Variants in DAB1 observed in about 807,000 individuals in gnomAD.
DAB1 encodes the protein DAB adaptor protein 1.
In DAB1, 15 loss-of-function variants were observed where a neutral mutation model predicts 64.6. The ratio of observed to expected loss-of-function variants is 0.23; its 90% CI spans 0.16 to 0.36. The LOEUF (loss-of-function observed/expected upper bound fraction) is 0.36. Among genes scored for constraint, DAB1 ranks in the 10% least tolerant of loss-of-function variants. The probability of loss-of-function intolerance (pLI) is 1.00; values close to 1 mark genes in which losing one functional copy is unlikely to be tolerated. For synonymous variants in DAB1, 235 were observed against 251.9 expected, an observed-to-expected ratio of 0.93 and a Z score of 0.64; for missense variants, 596 against 706.7, an observed-to-expected ratio of 0.84 and a Z score of 1.78.
chr1:58,018,533 C>G (rs1307512442), intron 5 of DAB1, among the ~76,000 whole-genome samples: 1 of 152,204 alleles, frequency 6.6e-6, no homozygotes, highest in African/African-American at 2.4e-5. Flanking sequence ...AAACCACTGA[C>G]CTCTGGAGCC....
upstream of DAB1, among the ~76,000 whole-genome samples, chr1:57,887,099 AT>A (rs1247914617): frequency 4.6e-5 from 7 of 152,120 alleles, no homozygotes. Context: ...CTACTGCCAA[AT>A]TGAAGAACTC....
At chr1:58,541,293 C>CAAA (rs71043292) in intron 1 of DAB1, among the ~76,000 whole-genome samples, 1 of 27,572 alleles carries the variant, frequency 3.6e-5, no homozygotes, top group African/African-American at 1.1e-4. Context: ...GACTCTGTCT[C>CAAA]AAAAAAAAAA....
At chr1:57,105,615 TC>T (rs1655074350) in intron 4 of DAB1, among the ~76,000 whole-genome samples, 1 of 152,192 alleles carries the variant, frequency 6.6e-6, no homozygotes, top group Non-Finnish European at 1.5e-5. Context: ...CCCACTTTTT[TC>T]CCTTCTTCTC....
chr1:57,258,289 G>T (rs1292752625), intron 2 of DAB1, among the ~76,000 whole-genome samples: 1 of 152,114 alleles, frequency 6.6e-6, no homozygotes, highest in African/African-American at 2.4e-5. Context: ...CTCACCAAAG[G>T]TCACACAGTA....
intron 4 of DAB1, among the ~76,000 whole-genome samples, chr1:57,121,419 T>C (rs1656652293): frequency 6.6e-6 from 1 of 151,916 alleles, no homozygotes. Context: ...GCACAGGGCA[T>C]CAGGGAAGTG....
intron 9 of DAB1, among the ~76,000 whole-genome samples, chr1:57,057,935 G>A (rs1650001425): frequency 6.6e-6 from 1 of 152,106 alleles, no homozygotes; most frequent in Non-Finnish European, 1.5e-5. Context: ...ATCAGATTGT[G>A]TCCCTAATAT....
intron 7 of DAB1, among the ~76,000 whole-genome samples, chr1:57,507,015 T>C (rs1644351670): frequency 6.6e-6 from 1 of 152,204 alleles, no homozygotes; most frequent in African/African-American, 2.4e-5. Flanking sequence ...CCCTCTCATC[T>C]ACAATCTGTC....
intron 1 of DAB1, among the ~76,000 whole-genome samples, chr1:57,345,448 G>A (rs753124607): frequency 4.6e-5 from 7 of 152,208 alleles, no homozygotes; most frequent in Non-Finnish European, 1.0e-4. Flanking sequence ...GAGTAAAGGT[G>A]ATGAGGAATA....
At chr1:57,973,682 T>C (rs1645851526) in intron 5 of DAB1, among the ~76,000 whole-genome samples, 2 of 151,962 alleles carry the variant, frequency 1.3e-5, no homozygotes, top group Non-Finnish European at 2.9e-5. Context: ...GAATAAAGAG[T>C]CCTTTAACAA....
At chr1:58,341,117 C>T (rs958795806) in intron 4 of DAB1, among the ~76,000 whole-genome samples, 2 of 152,024 alleles carry the variant, frequency 1.3e-5, no homozygotes, top group African/African-American at 4.8e-5. Context: ...AAACAATGTG[C>T]ATTAATTTGA....
chr1:57,584,067 T>C (rs1645349131), intron 7 of DAB1, among the ~76,000 whole-genome samples: 1 of 152,084 alleles, frequency 6.6e-6, no homozygotes, highest in African/African-American at 2.4e-5. Flanking sequence ...AACTTAGGAG[T>C]ATGCGCCTGT....
chr1:57,543,718 T>C (rs1644827411), intron 7 of DAB1, among the ~76,000 whole-genome samples: 1 of 152,128 alleles, frequency 6.6e-6, no homozygotes, highest in Non-Finnish European at 1.5e-5. Flanking sequence ...AGGAATGGCA[T>C]TGCCGAGCAG....
intron 3 of DAB1, among the ~76,000 whole-genome samples, chr1:58,503,015 A>G (rs1299141011): frequency 6.6e-6 from 1 of 152,166 alleles, no homozygotes; most frequent in Non-Finnish European, 1.5e-5. Flanking sequence ...TAATCAATTC[A>G]TTATTATTTT....
intron 3 of DAB1, among the ~76,000 whole-genome samples, chr1:58,488,356 G>A (rs1006088314): frequency 6.6e-6 from 1 of 152,068 alleles, no homozygotes; most frequent in Admixed American, 6.6e-5. Context: ...GGTTTTTGGG[G>A]AACAGGCAGT....
intron 4 of DAB1, among the ~76,000 whole-genome samples, chr1:58,341,816 C>T (rs958316027): frequency 2.0e-5 from 3 of 152,286 alleles, no homozygotes; most frequent in Middle Eastern, 3.4e-3. Context: ...TAAGGTGATG[C>T]GGGCAGATAG....
intron 7 of DAB1, among the ~76,000 whole-genome samples, chr1:57,536,360 G>A (rs927245638): frequency 6.6e-6 from 1 of 152,176 alleles, no homozygotes; most frequent in African/African-American, 2.4e-5. Context: ...GGGATCATTC[G>A]AATCAGTGTT....
At chr1:57,508,853 T>C (rs1305359728) in intron 7 of DAB1, among the ~76,000 whole-genome samples, 1 of 152,100 alleles carries the variant, frequency 6.6e-6, no homozygotes, top group African/African-American at 2.4e-5. Context: ...TATGTATATG[T>C]GCATTTATAT....
rs541256156 is a variant in DAB1 at position 57,020,522 on chromosome 1, C to G, written c.895+3009G>C. 2.0e-5 allele frequency among the ~76,000 whole-genome samples: 3 copies of G among 151,968 alleles called. No homozygotes were observed. The South Asian group carries it at 6.2e-4, about 31-fold the overall frequency. ...TTGTGTTCATACATAGTACATTCTCCAGGCCACCCATTCTCCTGCTGTCTG... is the reference window on the plus strand; with the variant it reads ...TTGTGTTCATACATAGTACATTCTCGAGGCCACCCATTCTCCTGCTGTCTG... On this transcript the variant is annotated intron_variant, in intron 11 of 14. Transcript: ENST00000371236.
At chr1:57,637,117 T>C (rs759605821) in intron 7 of DAB1, among the ~76,000 whole-genome samples, 53 of 152,258 alleles carry the variant, frequency 3.5e-4, no homozygotes, top group Non-Finnish European at 5.3e-4. Context: ...CATTTAAAAA[T>C]GGGATAAGAT....
Sources: gnomAD v4.1 joint callset for allele counts (sites outside exome capture counted in the v4.1 genomes callset) on GRCh38, gnomAD v4.1.1 for gene constraint, MANE v1.5 for transcripts, NCBI Gene and HGNC (gene_info 2026-07-23, HGNC 2026-07-21) for gene names.